EXOC4: variants seen among roughly 807,000 people sequenced by gnomAD.
The protein encoded by EXOC4 is exocyst complex component 4, also known as SEC8-like 1.
Under a neutral mutation model 107.2 loss-of-function variants are expected in EXOC4, and 71 were observed. The ratio of observed to expected loss-of-function variants is 0.66; its 90% confidence interval spans 0.55 to 0.81. EXOC4 has a LOEUF of 0.81. Ranked by LOEUF, EXOC4 falls within the 30% of genes least tolerant of loss-of-function variation. The pLI is 0.00. For synonymous variants in EXOC4, 456 were observed against 441.2 expected (o/e 1.03, Z -0.42); for missense variants, 1,108 against 1,189.6 (o/e 0.93, Z 1.01).
chr7:133,586,852 G>T (rs1801417222), intron 9 of EXOC4, among the ~76,000 whole-genome samples: 1 of 151,668 alleles, frequency 6.6e-6, no homozygotes, highest in Non-Finnish European at 1.5e-5. Flanking sequence ...GTTTTTTGAG[G>T]CAGAGTCTCA....
At chr7:133,300,295 A>G (rs574274950) in intron 3 of EXOC4, among the ~76,000 whole-genome samples, 1 of 152,322 alleles carries the variant, frequency 6.6e-6, no homozygotes, top group South Asian at 2.1e-4. Context: ...CTTCAGTACC[A>G]GACTGTCAAT....
intron 9 of EXOC4, among the ~76,000 whole-genome samples, chr7:133,591,933 A>G (rs929614268): frequency 3.3e-5 from 5 of 152,180 alleles, no homozygotes. Context: ...CTGCTGAGCT[A>G]AACAGTTTTT....
intron 10 of EXOC4, among the ~76,000 whole-genome samples, chr7:133,693,097 G>A (rs1240559834): frequency 2.0e-5 from 3 of 152,132 alleles, no homozygotes; most frequent in Non-Finnish European, 4.4e-5. Flanking sequence ...TGAGTCACAC[G>A]ATCATAAAGT....
intron 17 of EXOC4, among the ~76,000 whole-genome samples, chr7:134,034,617 G>T (rs542327704): frequency 6.6e-6 from 1 of 152,294 alleles, no homozygotes; most frequent in African/African-American, 2.4e-5. Flanking sequence ...AGGGTGCCTT[G>T]CTTACCCTTC....
chr7:133,557,558 G>A (rs1800717068), intron 9 of EXOC4, among the ~76,000 whole-genome samples: 1 of 152,188 alleles, frequency 6.6e-6, no homozygotes, highest in Admixed American at 6.5e-5. Context: ...TAGATTCATA[G>A]TGTTAGGGCT....
chr7:134,070,337 C>T (rs1398901297), downstream of EXOC4, among the ~76,000 whole-genome samples: 1 of 152,096 alleles, frequency 6.6e-6, no homozygotes, highest in Non-Finnish European at 1.5e-5. Flanking sequence ...AGTAGTTGTC[C>T]TAATTTGGCG....
At chr7:133,848,923 T>G (rs1022996187) in intron 11 of EXOC4, among the ~76,000 whole-genome samples, 1 of 152,190 alleles carries the variant, frequency 6.6e-6, no homozygotes, top group African/African-American at 2.4e-5. Context: ...AGTAAAAATA[T>G]GTTTAAGTAA....
rs549769216 is a variant in EXOC4, at chr7:133,295,571, G to A, written c.471+6455G>A. Among the ~76,000 whole-genome samples, 12 of 152,180 alleles carry A rather than the reference G, an allele frequency of 7.9e-5. No homozygotes were observed. In the South Asian group the frequency reaches 1.9e-3, roughly 24 times the overall value. ...AGATCAGTACTGGAAGATGTTTGTC[G>A]TCAGAACATTTTAGTGTTAGAAGAG... On this transcript the variant is annotated intron_variant, in intron 3 of 17. Coordinates refer to ENST00000253861, the MANE Select transcript of EXOC4 (RefSeq NM_021807.4).
chr7:133,688,482 T>C (rs1794354077), intron 10 of EXOC4, among the ~76,000 whole-genome samples: 1 of 152,190 alleles, frequency 6.6e-6, no homozygotes, highest in South Asian at 2.1e-4. Context: ...ATTATTTTTC[T>C]TTTGGGACTG....
intron 14 of EXOC4, among the ~76,000 whole-genome samples, chr7:133,955,886 A>C (rs1800807439): frequency 6.6e-6 from 1 of 152,346 alleles, no homozygotes; most frequent in Non-Finnish European, 1.5e-5. Flanking sequence ...CAGAGTGGGC[A>C]CTGGGAGCAG....
chr7:133,443,165 C>T (rs1481875002), intron 7 of EXOC4, among the ~76,000 whole-genome samples: 1 of 152,110 alleles, frequency 6.6e-6, no homozygotes, highest in African/African-American at 2.4e-5. Flanking sequence ...CTTCCGTAGT[C>T]GCATTTGTCC....
chr7:133,775,784 T>G (rs1331506866), intron 10 of EXOC4, among the ~76,000 whole-genome samples: 2 of 152,204 alleles, frequency 1.3e-5, no homozygotes, highest in Non-Finnish European at 2.9e-5. Context: ...TTTCGCACTT[T>G]CAGTGAAGAA....
chr7:133,548,074 CG>C (rs1440321598), intron 9 of EXOC4, among the ~76,000 whole-genome samples: 1 of 151,934 alleles, frequency 6.6e-6, no homozygotes, highest in Admixed American at 6.6e-5. Flanking sequence ...CCTTGATGCA[CG>C]GGCTGTAGAA....
At chr7:133,512,511 G>C (rs1411670875) in intron 9 of EXOC4, among the ~76,000 whole-genome samples, 1 of 152,116 alleles carries the variant, frequency 6.6e-6, no homozygotes, top group Non-Finnish European at 1.5e-5. Context: ...ATCTCTGAAG[G>C]ATCCTAGCAT....
At chr7:133,926,059 A>AG (rs1411026007) in intron 13 of EXOC4, among the ~76,000 whole-genome samples, 2,210 of 150,934 alleles carry the variant, frequency 0.015, 64 homozygotes, top group African/African-American at 0.051. Flanking sequence ...AAAAAAAAAA[A>AG]AAGAAGAAAA....
intron 11 of EXOC4, among the ~76,000 whole-genome samples, chr7:133,848,376 TC>T (rs1256976990): frequency 1.3e-5 from 2 of 152,136 alleles, no homozygotes; most frequent in Non-Finnish European, 2.9e-5. Flanking sequence ...ATCTAAGTGT[TC>T]CCATGTGAAA....
intron 9 of EXOC4, among the ~76,000 whole-genome samples, chr7:133,481,282 A>C (rs1054185276): frequency 2.0e-5 from 3 of 152,160 alleles, no homozygotes; most frequent in Non-Finnish European, 2.9e-5. Context: ...CTAACAACTG[A>C]GTGGGTGGTA....
At chr7:133,528,304 A>G (rs1463854379) in intron 9 of EXOC4, among the ~76,000 whole-genome samples, 1 of 152,188 alleles carries the variant, frequency 6.6e-6, no homozygotes, top group Non-Finnish European at 1.5e-5. Flanking sequence ...ATTCGAGAGA[A>G]ATTTCCTTAT....
Position 133,637,695 on chromosome 7 carries a change from G to A in EXOC4, c.1514+7554G>A, listed in dbSNP as rs368220563. 7.2e-5 allele frequency among the ~76,000 whole-genome samples: 11 copies of A among 152,114 alleles called. 1 individual carries two copies. In the East Asian group the frequency reaches 1.9e-3, roughly 27 times the overall value. ...CTGTAAGGTCTGTGAAGTGCTGAGT[G>A]GTTGGTATACATAGATTTCAAACCC... On this transcript the variant is annotated intron_variant, in intron 10 of 17. Transcript: ENST00000253861.
Sources: gnomAD v4.1 joint callset for allele counts (sites outside exome capture counted in the v4.1 genomes callset) on GRCh38, gnomAD v4.1.1 for gene constraint, MANE v1.5 for transcripts, NCBI Gene and HGNC (gene_info 2026-07-23, HGNC 2026-07-21) for gene names.